The following CNTNAP2 variants were observed in gnomAD, a reference collection of about 807,000 sequenced individuals.
The protein encoded by CNTNAP2 is contactin-associated protein-like 2.
A neutral mutation model predicts 155.2 loss-of-function variants in CNTNAP2; 98 were observed. That is an observed-to-expected ratio of 0.63 (90% confidence interval 0.54 to 0.75). The LOEUF (loss-of-function observed/expected upper bound fraction) is 0.75. Ranked by LOEUF, CNTNAP2 falls within the 30% of genes least tolerant of loss-of-function variation. The pLI, the probability that CNTNAP2 is intolerant of heterozygous loss-of-function variation, is 0.00. For missense variants in CNTNAP2, 1,727 were observed against 1,688.1 expected, an observed-to-expected ratio of 1.02 and a Z score of -0.40; for synonymous variants, 651 against 631.2, an observed-to-expected ratio of 1.03 and a Z score of -0.47.
intron 9 of CNTNAP2, among the ~76,000 whole-genome samples, chr7:147,322,334 C>A (rs1795367886): frequency 6.6e-6 from 1 of 152,088 alleles, no homozygotes; most frequent in Non-Finnish European, 1.5e-5. Flanking sequence ...TAATTAGCAT[C>A]TTTGTAATAC....
intron 1 of CNTNAP2, among the ~76,000 whole-genome samples, chr7:146,533,733 C>T (rs988370340): frequency 3.9e-5 from 6 of 152,102 alleles, no homozygotes; most frequent in Admixed American, 6.5e-5. Flanking sequence ...ATCTCTGGAT[C>T]CCATTGCTGT....
intron 21 of CNTNAP2, among the ~76,000 whole-genome samples, chr7:148,374,461 G>A (rs1327785781): frequency 6.6e-6 from 1 of 152,084 alleles, no homozygotes; most frequent in Non-Finnish European, 1.5e-5. Flanking sequence ...GCTGTCCAGA[G>A]TTAGTTTCAA....
At chr7:147,775,404 T>TTATATATATTTATAA (rs1797568925) in intron 13 of CNTNAP2, among the ~76,000 whole-genome samples, 4 of 113,226 alleles carry the variant, frequency 3.5e-5, no homozygotes, top group East Asian at 2.2e-4. Flanking sequence ...TATATATATT[T>TTATATATATTTATAA]ATATATATAT....
At chr7:146,942,948 T>C (rs1030926966) in intron 3 of CNTNAP2, among the ~76,000 whole-genome samples, 2 of 152,178 alleles carry the variant, frequency 1.3e-5, no homozygotes, top group African/African-American at 4.8e-5. Context: ...ACATAATTTA[T>C]CACAGTAAAA....
chr7:148,058,621 T>C (rs576775178), intron 15 of CNTNAP2, among the ~76,000 whole-genome samples: 2 of 152,174 alleles, frequency 1.3e-5, no homozygotes, highest in East Asian at 3.9e-4. Flanking sequence ...CCGAGAGTGG[T>C]CATTTCCTTG....
At chr7:146,758,394 G>A (rs1385026562) in intron 1 of CNTNAP2, among the ~76,000 whole-genome samples, 1 of 152,138 alleles carries the variant, frequency 6.6e-6, no homozygotes, top group African/African-American at 2.4e-5. Flanking sequence ...CAGGTGTGGT[G>A]CTCAACTGTC....
At chr7:146,525,333 A>G (rs1440152257) in intron 1 of CNTNAP2, among the ~76,000 whole-genome samples, 13 of 152,108 alleles carry the variant, frequency 8.5e-5, no homozygotes, top group Admixed American at 8.5e-4. Context: ...ATGTTGTCAC[A>G]TTTACATCTG....
At chr7:147,085,182 T>C (rs144036895) in intron 4 of CNTNAP2, among the ~76,000 whole-genome samples, 1 of 152,328 alleles carries the variant, frequency 6.6e-6, no homozygotes, top group East Asian at 1.9e-4. Context: ...TTAATGACTT[T>C]GTTCTCCATC....
intron 1 of CNTNAP2, among the ~76,000 whole-genome samples, chr7:146,560,381 GTGTATATATGTA>G (rs1374228435): frequency 6.6e-6 from 1 of 151,856 alleles, no homozygotes; most frequent in Non-Finnish European, 1.5e-5. Context: ...ATATATATGT[GTGTATATATGTA>G]TGTGTATATG....
chr7:147,596,381 C>T (rs1374318551), intron 12 of CNTNAP2, among the ~76,000 whole-genome samples: 1 of 152,190 alleles, frequency 6.6e-6, no homozygotes, highest in African/African-American at 2.4e-5. Flanking sequence ...CACCTCCATT[C>T]AGGGCTACAA....
chr7:148,062,007 A>AGAGAGAGAG (rs1563185623), intron 15 of CNTNAP2, among the ~76,000 whole-genome samples: 1 of 79,126 alleles, frequency 1.3e-5, no homozygotes, highest in African/African-American at 5.8e-5. Context: ...AGATAGATAG[A>AGAGAGAGAG]TGATAGAGAG....
At chr7:148,069,422 A>G (rs1803335447) in intron 15 of CNTNAP2, among the ~76,000 whole-genome samples, 1 of 152,120 alleles carries the variant, frequency 6.6e-6, no homozygotes, top group Admixed American at 6.5e-5. Flanking sequence ...AGAAATCCCA[A>G]TAGACAACTT....
chr7:147,348,476 T>G (rs1795916122), intron 9 of CNTNAP2, among the ~76,000 whole-genome samples: 1 of 151,680 alleles, frequency 6.6e-6, no homozygotes, highest in Admixed American at 6.6e-5. Context: ...GAGGCTATTA[T>G]CAAAAAGATG....
At chr7:147,282,158 T>G (rs966931671) in intron 8 of CNTNAP2, among the ~76,000 whole-genome samples, 1 of 151,872 alleles carries the variant, frequency 6.6e-6, no homozygotes. Flanking sequence ...TTGGGGAGAT[T>G]TGATAGTGGG....
intron 12 of CNTNAP2, among the ~76,000 whole-genome samples, chr7:147,578,958 C>A (rs185592966): frequency 1.3e-5 from 2 of 151,928 alleles, no homozygotes; most frequent in Non-Finnish European, 1.5e-5. Context: ...TATTGAATAT[C>A]TTTAATAAAT....
At chr7:146,403,858 T>C (rs1795748263) in intron 1 of CNTNAP2, among the ~76,000 whole-genome samples, 1 of 152,098 alleles carries the variant, frequency 6.6e-6, no homozygotes. Context: ...CAGTCAGAAC[T>C]TGGACTTAAA....
In CNTNAP2 at chr7:146,159,071, A is replaced by AGTG. The variant is rs553119143; in HGVS notation, c.97+42100_97+42102dup. 6.4e-4 allele frequency among the ~76,000 whole-genome samples: 98 copies of AGTG among 152,352 alleles called. 1 individual carries two copies. The highest frequency in any genetic ancestry group is 2.1e-3 in the African/African-American group (89 of 41,584). On this transcript the variant is annotated intron_variant, in intron 1 of 23. Coordinates refer to ENST00000361727, the MANE Select transcript of CNTNAP2 (RefSeq NM_014141.6). ...ACAGAAACTCTACAAGCCAGAAGGG[A>AGTG]GTGGGGGCCAGTATTCAACATTCTA... is the stretch of plus-strand genomic sequence containing the variant.
chr7:146,906,764 C>T (rs373705659), intron 3 of CNTNAP2, among the ~76,000 whole-genome samples: 22 of 152,114 alleles, frequency 1.4e-4, no homozygotes, highest in African/African-American at 3.9e-4. Flanking sequence ...TCCAAAGGAA[C>T]GCAGCTCCTC....
At chr7:146,847,562 T>C (rs1794784327) in intron 3 of CNTNAP2, among the ~76,000 whole-genome samples, 1 of 152,178 alleles carries the variant, frequency 6.6e-6, no homozygotes, top group Non-Finnish European at 1.5e-5. Flanking sequence ...CACTCAATTA[T>C]TTTATACATT....
Sources: gnomAD v4.1 joint callset for allele counts (sites outside exome capture counted in the v4.1 genomes callset) on GRCh38, gnomAD v4.1.1 for gene constraint, MANE v1.5 for transcripts, NCBI Gene and HGNC (gene_info 2026-07-23, HGNC 2026-07-21) for gene names.